RSRP1: variants seen among roughly 807,000 people sequenced by gnomAD.
The protein encoded by RSRP1 is arginine/serine-rich protein 1.
RSRP1 carries 37 observed loss-of-function variants against 33.0 expected under a neutral mutation model. That is an observed-to-expected ratio of 1.12 (90% confidence interval 0.86 to 1.48). RSRP1 has a LOEUF of 1.48. Ranked by LOEUF, RSRP1 falls within the 40% of genes most tolerant of loss-of-function variation. RSRP1 has a pLI of 0.00. For synonymous variants in RSRP1, 167 were observed against 158.7 expected (o/e 1.05, Z -0.40); for missense variants, 402 against 385.3 (o/e 1.04, Z -0.36).
At chr1:25,283,294 A>G (rs2124616931) in intron 1 of RSRP1, among the ~76,000 whole-genome samples, 1 of 131,972 alleles carries the variant, frequency 7.6e-6, no homozygotes, top group African/African-American at 2.6e-5. Context: ...ACTTTGGGAA[A>G]CCGAGGTGGG....
Position 25,300,898 on chromosome 1 carries a change from C to T in RSRP1, c.-67+37080G>A, listed in dbSNP as rs532739133. The T allele has an allele frequency of 1.5e-5, 20 of 1,365,886 alleles. 1 individual carries two copies. The Admixed American group carries it at 2.2e-4, about 15-fold the overall frequency. 84.6% of individuals were successfully genotyped at this position (1,365,886 alleles called of 1,614,324 possible). The stretch of plus-strand genomic sequence containing the variant: ...CTCCAAGGACTATCAGGGCTTGCCC[C>T]GGGCAGAGGATGCCGACACTCACTG... On this transcript the variant is annotated intron_variant, in intron 1 of 1. Coordinates refer to the RSRP1 transcript ENST00000561867.
At chr1:25,256,304 G>A (rs981038662) in intron 1 of RSRP1, among the ~76,000 whole-genome samples, 46 of 152,052 alleles carry the variant, frequency 3.0e-4, no homozygotes, top group Admixed American at 1.3e-3. Flanking sequence ...ACAGGCATGC[G>A]CCACTACACC....
intron 1 of RSRP1, among the ~76,000 whole-genome samples, chr1:25,270,666 G>T (rs1376016511): frequency 7.6e-6 from 1 of 131,952 alleles, no homozygotes; most frequent in Non-Finnish European, 1.8e-5. Flanking sequence ...AAACACCCAG[G>T]TCCTGAAGTT....
chr1:25,308,643 A>C (rs148566051), intron 1 of RSRP1, among the ~76,000 whole-genome samples: 1,341 of 130,986 alleles, frequency 0.01, 362 homozygotes, highest in Non-Finnish European at 0.02. Flanking sequence ...AGATGAGAAC[A>C]ATCAGCCCAC....
At position 25,246,940 on chromosome 1, in the gene RSRP1, C is replaced by T. The variant is rs1300008686; in HGVS notation, c.24G>A (p.Met8Ile). 6 of 1,586,084 alleles carry T rather than the reference C, an allele frequency of 3.8e-6. No individual in the cohort carries two copies. The highest frequency in any genetic ancestry group is 5.2e-6 in the Non-Finnish European group (6 of 1,162,854). The change falls in exon 2 of 5, where the codon ATG becomes ATA. Residue 8 changes from methionine (M) to isoleucine (I), a missense_variant. By Grantham distance (10) the Met-to-Ile change is conservative. Transcript: ENST00000243189. ...CCTTCTCCTGCGGCGAGCCCGGCCA[C>T]ATGTCGTTCACGTAGTTGGACATCT... MSNYVND[M>I]WPGSPQEKDS...
At chr1:25,254,765 G>C (rs1639897077) in intron 1 of RSRP1, among the ~76,000 whole-genome samples, 1 of 152,058 alleles carries the variant, frequency 6.6e-6, no homozygotes, top group Non-Finnish European at 1.5e-5. Context: ...TTCAGCTTTG[G>C]GGGGTGTCTA....
At chr1:25,284,746 A>C in intron 1 of RSRP1, 1 of 1,388,944 alleles carries the variant, frequency 7.2e-7, no homozygotes, top group Non-Finnish European at 1.0e-6. Context: ...GAAGGTGGTC[A>C]TCACACTGTT....
In RSRP1 at chr1:25,243,761, C is replaced by T; in HGVS notation, c.673-128G>A. ...ACAAAAATCAACTTGGATCTAACAG[C>T]CTAAGTAACAGAACTATTGAGTTTT... On this transcript the variant is annotated intron_variant, in intron 3 of 4. Coordinates refer to ENST00000243189, the MANE Select transcript of RSRP1 (RefSeq NM_020317.5). 2.1e-6 allele frequency: 3 copies of T among 1,442,810 alleles called. No homozygotes were observed. The East Asian group carries it at 7.8e-5, about 37-fold the overall frequency. 89.4% of individuals were successfully genotyped at this position (1,442,810 alleles called of 1,614,324 possible).
rs1640953117 is a variant in RSRP1 at position 25,276,329 on chromosome 1, T to A, written c.-66-29300A>T. Among the ~76,000 whole-genome samples the A allele has an allele frequency of 1.6e-5, 2 of 127,070 alleles. 1 individual carries two copies. Among genetic ancestry groups the A allele is most frequent in the Non-Finnish European group, 3.7e-5 (2 of 54,546 alleles). 83.4% of individuals were successfully genotyped at this position (127,070 alleles called of 152,430 possible). A position where few individuals can be genotyped will look rare whatever the true frequency, so the allele number is the denominator to read the frequency against. The stretch of plus-strand genomic sequence containing the variant: ...AAACAAGATTGGTCTCATGTGACAA[T>A]CATCAGAGTTTGGAGATGGGCACGT... On this transcript the variant is annotated intron_variant, in intron 1 of 1. Coordinates refer to the RSRP1 transcript ENST00000561867.
chr1:25,242,791 A>G lies in RSRP1; in HGVS notation c.757-86T>C. Reference sequence around the variant, plus strand: ...AAAAGTACATTAAATAATCCCATGTATGAGCCTTAGAGATATTATCAATTG... The same window carrying G: ...AAAAGTACATTAAATAATCCCATGTGTGAGCCTTAGAGATATTATCAATTG... On this transcript the variant is annotated intron_variant, in intron 4 of 4. Coordinates refer to ENST00000243189, the MANE Select transcript of RSRP1 (RefSeq NM_020317.5). The G allele has an allele frequency of 3.1e-6, 3 of 955,818 alleles. 1 individual carries two copies. The highest frequency in any genetic ancestry group is 3.2e-6 in the Non-Finnish European group (2 of 619,814). 59.2% of individuals were successfully genotyped at this position (955,818 alleles called of 1,614,324 possible). A position where few individuals can be genotyped will look rare whatever the true frequency, so the allele number is the denominator to read the frequency against.
intron 1 of RSRP1, among the ~76,000 whole-genome samples, chr1:25,269,631 T>C (rs964030813): frequency 7.5e-6 from 1 of 133,060 alleles, no homozygotes; most frequent in African/African-American, 2.6e-5. Flanking sequence ...CTGTAGCAGG[T>C]GACCTGCCTT....
chr1:25,261,285 A>G (rs1640135936), intron 1 of RSRP1, among the ~76,000 whole-genome samples: 1 of 152,206 alleles, frequency 6.6e-6, no homozygotes, highest in Non-Finnish European at 1.5e-5. Flanking sequence ...ATTAACGGAC[A>G]ATATATACAA....
chr1:25,289,468 T>C (rs1642313317), intron 1 of RSRP1, among the ~76,000 whole-genome samples: 1 of 132,228 alleles, frequency 7.6e-6, no homozygotes, highest in Admixed American at 7.4e-5. Flanking sequence ...GTGCTGGGAG[T>C]ACAGGCATGA....
chr1:25,321,992 A>G (rs746284102), intron 1 of RSRP1: 2 of 1,073,332 alleles, frequency 1.9e-6, no homozygotes, highest in Admixed American at 3.6e-5. Context: ...AACGTGATAG[A>G]TTTTGAGTGC....
intron 1 of RSRP1, among the ~76,000 whole-genome samples, chr1:25,257,373 C>A (rs886718933): frequency 6.6e-6 from 1 of 152,122 alleles, no homozygotes; most frequent in Non-Finnish European, 1.5e-5. Context: ...CAGTGTATTT[C>A]ATTTGGCATT....
chr1:25,283,879 C>T lies in RSRP1; in HGVS notation c.-66-36850G>A, dbSNP rs28534420. Among the ~76,000 whole-genome samples the T allele has an allele frequency of 1.4e-3, 184 of 134,084 alleles. 42 individuals are homozygous for T. Among genetic ancestry groups the T allele is most frequent in the Non-Finnish European group, 3.7e-4 (21 of 57,032 alleles). The allele number at this position is 134,084 out of a possible 152,430, so 88.0% of individuals were successfully genotyped here. A position where few individuals can be genotyped will look rare whatever the true frequency, so the allele number is the denominator to read the frequency against. On this transcript the variant is annotated intron_variant, in intron 1 of 1. Coordinates refer to the RSRP1 transcript ENST00000561867. ...GAATTAAACCAAAGTGCTCACCCTC[C>T]GCTTTGCTGGGCCCCTCCCTGCCCT...
At position 25,270,328 on chromosome 1, in the gene RSRP1, G is replaced by A. The variant is rs1203613897; in HGVS notation, c.-66-23299C>T. Among the ~76,000 whole-genome samples, 38 of 129,924 alleles carry A rather than the reference G, an allele frequency of 2.9e-4. 4 individuals carry two copies. The highest frequency in any genetic ancestry group is 1.9e-3 in the Admixed American group (25 of 13,418). The allele number at this position is 129,924 out of a possible 152,430, so 85.2% of individuals were successfully genotyped here. A position where few individuals can be genotyped will look rare whatever the true frequency, so the allele number is the denominator to read the frequency against. Reference sequence around the variant, plus strand: ...CTAGGCTGGGGGTCCCCAACCCCCAGGCTGTGGCCCGTTAGGAACCTGACC... The same window carrying A: ...CTAGGCTGGGGGTCCCCAACCCCCAAGCTGTGGCCCGTTAGGAACCTGACC... On this transcript the variant is annotated intron_variant, in intron 1 of 1. Transcript: ENST00000561867.
At chr1:25,270,234 TG>T (rs1640450523) in intron 1 of RSRP1, among the ~76,000 whole-genome samples, 1 of 130,906 alleles carries the variant, frequency 7.6e-6, no homozygotes, top group South Asian at 2.3e-4. Flanking sequence ...TAATTGCTGT[TG>T]GGGTAGCAGA....
Position 25,277,862 on chromosome 1 carries a change from T to C in RSRP1, c.-66-30833A>G, listed in dbSNP as rs4081179. On this transcript the variant is annotated intron_variant, in intron 1 of 1. Transcript: ENST00000561867. ...GCTAATTTTGTATTTTTAGTAGAGATGGGGTTTCTCCATGTTGGTGAGGCT... is the reference window on the plus strand; with the variant it reads ...GCTAATTTTGTATTTTTAGTAGAGACGGGGTTTCTCCATGTTGGTGAGGCT... Among the ~76,000 whole-genome samples, 9 of 131,080 alleles carry C rather than the reference T, an allele frequency of 6.9e-5. 1 individual carries two copies. The highest frequency in any genetic ancestry group is 4.7e-4 in the South Asian group (2 of 4,248). The allele number at this position is 131,080 out of a possible 152,430, so 86.0% of individuals were successfully genotyped here. A position where few individuals can be genotyped will look rare whatever the true frequency, so the allele number is the denominator to read the frequency against.
Sources: allele counts gnomAD v4.1 joint callset (sites outside exome capture counted in the v4.1 genomes callset), GRCh38; gene constraint gnomAD v4.1.1; transcripts MANE v1.5; gene names NCBI Gene and HGNC (gene_info 2026-07-23, HGNC 2026-07-21).